Variants in SH2D4B observed in about 807,000 individuals in gnomAD.
SH2D4B encodes SH2 domain containing 4B.
Under a neutral mutation model 61.5 loss-of-function variants are expected in SH2D4B, and 45 were observed. That is an observed-to-expected ratio of 0.73 (90% confidence interval 0.58 to 0.94). SH2D4B has a LOEUF of 0.94. Among genes scored for constraint, SH2D4B ranks in the 40% least tolerant of loss-of-function variants. The probability of loss-of-function intolerance (pLI) is 0.00; values close to 1 mark genes in which losing one functional copy is unlikely to be tolerated. For synonymous variants in SH2D4B, 224 were observed against 220.4 expected, an observed-to-expected ratio of 1.02 and a Z score of -0.14; for missense variants, 572 against 574.2, an observed-to-expected ratio of 1.00 and a Z score of 0.04.
chr10:80,540,934 G>GGGTCTCACCAGCATC, intron 1 of SH2D4B: 1 of 1,535,834 alleles, frequency 6.5e-7, no homozygotes, highest in African/African-American at 1.4e-5. Context: ...CCAGATGCTG[G>GGGTCTCACCAGCATC]TGAGACCCCA....
intron 3 of SH2D4B, among the ~76,000 whole-genome samples, chr10:80,580,527 G>T (rs1049446895): frequency 2.6e-5 from 4 of 152,168 alleles, no homozygotes; most frequent in Admixed American, 2.6e-4. Flanking sequence ...CAAAAGGGCT[G>T]GTTTCTATTT....
At chr10:80,562,115 T>C (rs1319046949) in intron 1 of SH2D4B, among the ~76,000 whole-genome samples, 8 of 149,230 alleles carry the variant, frequency 5.4e-5, no homozygotes, top group Non-Finnish European at 8.9e-5. Flanking sequence ...ACAGCCCCCA[T>C]CCCCTAGTAA....
In SH2D4B at chr10:80,563,197, G is replaced by T. The variant is rs376577611; in HGVS notation, c.185-6957G>T. 6.6e-5 allele frequency among the ~76,000 whole-genome samples: 10 copies of T among 152,244 alleles called. No individual in the cohort carries two copies. In the East Asian group the frequency reaches 1.9e-3, roughly 29 times the overall value. ...ATTACAGGCGTGAGCCACCGCGCCC[G>T]GCCGATGCTGAACATTTTTTCATAT... On this transcript the variant is annotated intron_variant, in intron 1 of 7. Transcript: ENST00000646907.
At chr10:80,636,517 G>A (rs1840171258) in intron 7 of SH2D4B, among the ~76,000 whole-genome samples, 1 of 152,206 alleles carries the variant, frequency 6.6e-6, no homozygotes, top group African/African-American at 2.4e-5. Flanking sequence ...GTATCTCATT[G>A]TGGTTTTGAT....
At position 80,645,978 on chromosome 10, in the gene SH2D4B, G is replaced by A. The variant is rs927793346; in HGVS notation, c.*1893G>A. The A allele has an allele frequency of 6.6e-6, 1 of 152,252 alleles. No individual in the cohort carries two copies. Among genetic ancestry groups the A allele is most frequent in the African/African-American group, 2.4e-5 (1 of 41,450 alleles). The allele number at this position is 152,252 out of a possible 1,614,324, so 9.4% of individuals were successfully genotyped here. A position where few individuals can be genotyped will look rare whatever the true frequency, so the allele number is the denominator to read the frequency against. ...ATTTCTATGGACTCAGAGGAATGAT[G>A]TTTTAGTTTTGGCTCTCTGATTTAC... On this transcript the variant is annotated 3_prime_UTR_variant, in exon 8 of 8. Transcript: ENST00000646907.
Position 80,570,175 on chromosome 10 carries a change from A to C in SH2D4B, c.206A>C (p.Gln69Pro), listed in dbSNP as rs757755610. 1 of 1,614,004 alleles carries C rather than the reference A, an allele frequency of 6.2e-7. No individual in the cohort carries two copies. Among genetic ancestry groups the C allele is most frequent in the Non-Finnish European group, 8.5e-7 (1 of 1,180,008 alleles). ...TKRAASDKHIQWLLGADGEVW... is the reference protein window; with the variant it reads ...TKRAASDKHIPWLLGADGEVW... ...GAAGCAGCGAGTGACAAGCACATCC[A>C]ATGGCTCCTAGGGGCAGATGGCGAG... Residue 69 changes from glutamine (Q) to proline (P), a missense_variant, in exon 2 of 8, where the codon CAA becomes CCA. Coordinates refer to ENST00000646907, the MANE Select transcript of SH2D4B (RefSeq NM_001388272.1).
chr10:80,538,199 C>T lies in SH2D4B; in HGVS notation c.-133C>T. ...TGCAAGCTGAGGCCAACTGACAATG[C>T]TGCACAGAGAAGGGGCACCGAGAGT... On this transcript the variant is annotated 5_prime_UTR_variant, in exon 1 of 8. Coordinates refer to ENST00000646907, the MANE Select transcript of SH2D4B (RefSeq NM_001388272.1). The surrounding 1 kb of genome is among the most constrained non-coding windows in gnomAD (Gnocchi z 4.8). The T allele has an allele frequency of 1.4e-6, 1 of 696,002 alleles. No individual in the cohort carries two copies. 43.1% of individuals were successfully genotyped at this position (696,002 alleles called of 1,614,324 possible).
chr10:80,607,845 G>A (rs1000344097), intron 5 of SH2D4B, among the ~76,000 whole-genome samples: 3 of 152,340 alleles, frequency 2.0e-5, no homozygotes, highest in Non-Finnish European at 2.9e-5. Context: ...TGGAAATGGC[G>A]AAGAGGCTTT....
intron 6 of SH2D4B, among the ~76,000 whole-genome samples, chr10:80,627,595 A>G (rs962489055): frequency 6.6e-6 from 1 of 151,880 alleles, no homozygotes; most frequent in South Asian, 2.1e-4. Context: ...CCAATAGCTT[A>G]TGTGGCCTTT....
At chr10:80,598,107 T>G (rs1842406484) in intron 4 of SH2D4B, among the ~76,000 whole-genome samples, 1 of 152,248 alleles carries the variant, frequency 6.6e-6, no homozygotes, top group African/African-American at 2.4e-5. Flanking sequence ...AGTCCTGTGC[T>G]AGCTCTGCCC....
chr10:80,546,445 C>T (rs1240667879), intron 1 of SH2D4B, among the ~76,000 whole-genome samples: 1 of 152,008 alleles, frequency 6.6e-6, no homozygotes, highest in Non-Finnish European at 1.5e-5. Flanking sequence ...GTATATTTGC[C>T]TGTATCTCCC....
At chr10:80,542,060 C>T (rs74534808) in intron 1 of SH2D4B, among the ~76,000 whole-genome samples, 1 of 152,158 alleles carries the variant, frequency 6.6e-6, no homozygotes, top group Non-Finnish European at 1.5e-5. Context: ...TGTGCTATCA[C>T]GTTTCTGACA....
At chr10:80,605,924 C>A (rs1842513507) in intron 5 of SH2D4B, among the ~76,000 whole-genome samples, 1 of 152,236 alleles carries the variant, frequency 6.6e-6, no homozygotes, top group Non-Finnish European at 1.5e-5. Context: ...TTTGATGGAG[C>A]CACATGGACC....
chr10:80,559,065 T>C (rs1438850430), intron 1 of SH2D4B, among the ~76,000 whole-genome samples: 2 of 152,148 alleles, frequency 1.3e-5, no homozygotes, highest in Non-Finnish European at 2.9e-5. Flanking sequence ...ATTTTTGTTT[T>C]ATTTAATTTT....
At chr10:80,556,286 T>C (rs1310324291) in intron 1 of SH2D4B, among the ~76,000 whole-genome samples, 1 of 152,258 alleles carries the variant, frequency 6.6e-6, no homozygotes, top group African/African-American at 2.4e-5. Flanking sequence ...TTTCATTGAT[T>C]GTGTATGTCT....
At chr10:80,631,588 T>TGTG (rs1406138600) in intron 6 of SH2D4B, among the ~76,000 whole-genome samples, 4 of 152,198 alleles carry the variant, frequency 2.6e-5, no homozygotes, top group African/African-American at 9.6e-5. Context: ...GATAAAGAGA[T>TGTG]GTGGTGTATG....
chr10:80,639,462 C>G (rs1840250057), intron 7 of SH2D4B, among the ~76,000 whole-genome samples: 1 of 152,148 alleles, frequency 6.6e-6, no homozygotes, highest in East Asian at 1.9e-4. Context: ...TATCTGGGTG[C>G]TCCTGTATTG....
chr10:80,607,119 T>C (rs1019421949), intron 5 of SH2D4B, among the ~76,000 whole-genome samples: 1 of 152,242 alleles, frequency 6.6e-6, no homozygotes, highest in South Asian at 2.1e-4. Context: ...TCAGATTCCC[T>C]GCTTAGAAAC....
rs57852406 is a variant in SH2D4B, at chr10:80,586,182, C to A, written c.496-2448C>A. ...CCTCCTCCATGGGCTCCTGTGCCGC[C>A]GAGCCTCCACGACGAGCGCCGCCCC... On this transcript the variant is annotated intron_variant, in intron 3 of 7. Coordinates refer to ENST00000646907, the MANE Select transcript of SH2D4B (RefSeq NM_001388272.1). 3.9e-5 allele frequency among the ~76,000 whole-genome samples: 6 copies of A among 152,118 alleles called. No homozygotes were observed. In the East Asian group the frequency reaches 1.2e-3, roughly 30 times the overall value.
Sources: allele counts gnomAD v4.1 joint callset (sites outside exome capture counted in the v4.1 genomes callset), GRCh38; gene constraint gnomAD v4.1.1; non-coding constraint Gnocchi (gnomAD v3.1); transcripts MANE v1.5; gene names NCBI Gene and HGNC (gene_info 2026-07-23, HGNC 2026-07-21).